Variants in NF1 observed in about 807,000 individuals in gnomAD.
NF1 encodes neurofibromin.
In NF1, 122 loss-of-function variants were observed where a neutral mutation model predicts 325.7. That is an observed-to-expected ratio of 0.37 (90% CI 0.32 to 0.44). NF1 has a LOEUF of 0.44. Ranked by LOEUF, NF1 falls within the 20% of genes least tolerant of loss-of-function variation. NF1 has a pLI of 1.00. For synonymous variants in NF1, 1,091 were observed against 1,186.0 expected (o/e 0.92, Z 1.65); for missense variants, 2,140 against 3,415.4 (o/e 0.63, Z 9.31).
chr17:31,296,781 C>T (rs968950836), intron 36 of NF1: 13 of 203,334 alleles, frequency 6.4e-5, no homozygotes, highest in African/African-American at 3.1e-4. Flanking sequence ...TAATGTAATT[C>T]AATGTGTGTA....
intron 17 of NF1, among the ~76,000 whole-genome samples, chr17:31,225,982 T>G (rs993045599): frequency 1.3e-5 from 2 of 152,202 alleles, no homozygotes; most frequent in Non-Finnish European, 2.9e-5. Context: ...CTTGTTTCAA[T>G]GAGTGCTGCA....
At chr17:31,265,422 C>A in intron 36 of NF1, 83 bp downstream of exon 36, 1 of 980,910 alleles carries the variant, frequency 1.0e-6, no homozygotes, top group East Asian at 2.5e-5. Flanking sequence ...TTGGTTTTTC[C>A]CAGTTGACTT....
At chr17:31,230,802 A>C in intron 23 of NF1, 40 bp from the exon 24 acceptor site, 1 of 1,481,644 alleles carries the variant, frequency 6.7e-7, no homozygotes. Flanking sequence ...TGGCTTCAAA[A>C]ACATTGTTTG....
intron 30 of NF1, chr17:31,252,102 TG>T: frequency 4.6e-6 from 1 of 216,360 alleles, no homozygotes; most frequent in Non-Finnish European, 9.2e-6. Flanking sequence ...CCTGGAGTTT[TG>T]GGGGTTTTTT....
At chr17:31,277,934 C>T (rs539755441) in intron 36 of NF1, among the ~76,000 whole-genome samples, 1 of 152,284 alleles carries the variant, frequency 6.6e-6, no homozygotes, top group South Asian at 2.1e-4. Context: ...CTGCTAGAAC[C>T]TTAATTGCTA....
At chr17:31,201,890 G>A (rs1004168002) in intron 11 of NF1, among the ~76,000 whole-genome samples, 14 of 152,156 alleles carry the variant, frequency 9.2e-5, no homozygotes, top group African/African-American at 3.1e-4. Flanking sequence ...TAGTATTTAT[G>A]TTGTAGTCTA....
chr17:31,270,166 A>G (rs2067865354), intron 36 of NF1, among the ~76,000 whole-genome samples: 2 of 152,220 alleles, frequency 1.3e-5, no homozygotes, highest in Admixed American at 1.3e-4. Flanking sequence ...GAAATGTATG[A>G]AAGTATACAT....
At chr17:31,247,607 A>G (rs938712141) in intron 29 of NF1, among the ~76,000 whole-genome samples, 5 of 152,198 alleles carry the variant, frequency 3.3e-5, no homozygotes, top group Non-Finnish European at 7.3e-5. Context: ...TTTTAGAGCT[A>G]TTTGGCAATA....
At chr17:31,172,696 G>C (rs1353805104) in intron 5 of NF1, among the ~76,000 whole-genome samples, 1 of 152,110 alleles carries the variant, frequency 6.6e-6, no homozygotes, top group Admixed American at 6.5e-5. Context: ...ACATCTGCTC[G>C]TCTCTAGAAC....
At chr17:31,112,408 A>G (rs986447456) in intron 1 of NF1, among the ~76,000 whole-genome samples, 4 of 152,194 alleles carry the variant, frequency 2.6e-5, no homozygotes, top group African/African-American at 7.2e-5. Context: ...TTACAGCAGT[A>G]TATGAGAGTT....
chr17:31,335,853 ATTTT>A (rs71360768), intron 40 of NF1, among the ~76,000 whole-genome samples: 3 of 112,800 alleles, frequency 2.7e-5, no homozygotes, highest in African/African-American at 1.1e-4. Flanking sequence ...TAATTTTTGT[ATTTT>A]TTTTTTTTTT....
intron 8 of NF1, among the ~76,000 whole-genome samples, chr17:31,187,445 C>A (rs1366891745): frequency 6.6e-6 from 1 of 152,186 alleles, no homozygotes; most frequent in Non-Finnish European, 1.5e-5. Context: ...ATCTGCCCCC[C>A]TCGGCCTCCC....
intron 8 of NF1, among the ~76,000 whole-genome samples, chr17:31,195,868 C>T (rs573449249): frequency 6.6e-6 from 1 of 152,112 alleles, no homozygotes; most frequent in East Asian, 1.9e-4. Flanking sequence ...CACCTTTTGG[C>T]TATTATAAAT....
intron 1 of NF1, among the ~76,000 whole-genome samples, chr17:31,096,027 C>T (rs1911673941): frequency 6.6e-6 from 1 of 152,014 alleles, no homozygotes; most frequent in African/African-American, 2.4e-5. Flanking sequence ...ACAACGTCGT[C>T]CCCCATATCC....
intron 51 of NF1, 46 bp from the exon 52 acceptor site, chr17:31,356,414 G>T (rs2151580885): frequency 6.3e-7 from 1 of 1,593,158 alleles, no homozygotes; most frequent in South Asian, 1.1e-5. Flanking sequence ...CCCATTTATA[G>T]ACACTGTAGT....
chr17:31,352,776 A>ATCATTATATTCC lies in NF1; in HGVS notation c.7615+362_7615+363insTCATTATATTCC, dbSNP rs528968059. On this transcript the variant is annotated intron_variant, in intron 51 of 57. Coordinates refer to ENST00000358273, the MANE Select transcript of NF1 (RefSeq NM_001042492.3). ...AGGGGATTTAATGATATACTGTAAT[A>ATCATTATATTCC]CTTCCCAAAATTATCATCTGAGAGA... Among the ~76,000 whole-genome samples the ATCATTATATTCC allele has an allele frequency of 3.6e-3, 542 of 152,330 alleles. 6 individuals carry two copies. The highest frequency in any genetic ancestry group is 0.012 in the African/African-American group (515 of 41,566).
chr17:31,162,970 T>C (rs1223982557), intron 3 of NF1, among the ~76,000 whole-genome samples: 1 of 152,124 alleles, frequency 6.6e-6, no homozygotes, highest in East Asian at 1.9e-4. Context: ...ACTTTAATTG[T>C]GATTATGGGG....
chr17:31,278,561 CT>C lies in NF1; in HGVS notation c.4835+13223del, dbSNP rs1385164163. Among the ~76,000 whole-genome samples the C allele has an allele frequency of 1.7e-4, 16 of 94,892 alleles. No individual in the cohort carries two copies. In the Admixed American group the frequency reaches 2.7e-3, roughly 16 times the overall value. The allele number at this position is 94,892 out of a possible 152,430, so 62.3% of individuals were successfully genotyped here. A position where few individuals can be genotyped will look rare whatever the true frequency, so the allele number is the denominator to read the frequency against. On this transcript the variant is annotated intron_variant, in intron 36 of 57. Transcript: ENST00000358273. ...AATCCTATTAAGTTTTATGCCATGT[CT>C]ATGCTCATTGCACCTGTGCCTCATG...
intron 1 of NF1, among the ~76,000 whole-genome samples, chr17:31,141,724 C>T (rs1916231851): frequency 2.6e-5 from 4 of 152,140 alleles, no homozygotes; most frequent in Admixed American, 6.5e-5. Context: ...GCCTCTGGAG[C>T]ACGGTCTCTT....
Sources: gnomAD v4.1 joint callset for allele counts (sites outside exome capture counted in the v4.1 genomes callset) on GRCh38, gnomAD v4.1.1 for gene constraint, MANE v1.5 for transcripts, NCBI Gene and HGNC (gene_info 2026-07-23, HGNC 2026-07-21) for gene names.